Variants in ZNF638 observed in about 807,000 individuals in gnomAD.
The protein encoded by ZNF638 is CTCL tumor antigen se33-1.
Under a neutral mutation model 195.6 loss-of-function variants are expected in ZNF638, and 46 were observed. That is an observed-to-expected ratio of 0.24 (90% CI 0.19 to 0.30). The LOEUF (loss-of-function observed/expected upper bound fraction) is 0.30, where lower values mean the gene tolerates loss of function less well. Ranked by LOEUF, ZNF638 falls within the 10% of genes least tolerant of loss-of-function variation. The pLI is 1.00. For synonymous variants in ZNF638, 845 were observed against 772.0 expected, an observed-to-expected ratio of 1.09 and a Z score of -1.57; for missense variants, 2,440 against 2,325.3, an observed-to-expected ratio of 1.05 and a Z score of -1.01.
chr2:71,387,288 C>T (rs556815588), intron 10 of ZNF638, among the ~76,000 whole-genome samples: 98 of 152,244 alleles, frequency 6.4e-4, no homozygotes, highest in African/African-American at 2.1e-3. Context: ...TACAAAACAT[C>T]AGTAAATTTG....
rs182243270 is a variant in ZNF638 at position 71,388,612 on chromosome 2, C to T, written c.2378-7529C>T. On this transcript the variant is annotated intron_variant, in intron 10 of 27. Coordinates refer to ENST00000264447, the MANE Select transcript of ZNF638 (RefSeq NM_014497.5). ...GTGTCTGCGTACTTTTTTCATCCGT[C>T]GCTCGGCCAGAGTCGGTGGATCAGA... is the stretch of plus-strand genomic sequence containing the variant. 3.9e-4 allele frequency: 314 copies of T among 797,638 alleles called. No homozygotes were observed. The East Asian group carries it at 7.3e-3, about 19-fold the overall frequency. The allele number at this position is 797,638 out of a possible 1,614,324, so 49.4% of individuals were successfully genotyped here. A position where few individuals can be genotyped will look rare whatever the true frequency, so the allele number is the denominator to read the frequency against.
intron 1 of ZNF638, among the ~76,000 whole-genome samples, chr2:71,333,680 A>G (rs1055680005): frequency 1.3e-5 from 2 of 152,230 alleles, no homozygotes; most frequent in African/African-American, 2.4e-5. Flanking sequence ...TTGCAGTCGG[A>G]AGATCTGGAT....
chr2:71,409,105 A>G (rs1033963157), intron 20 of ZNF638, among the ~76,000 whole-genome samples: 2 of 152,168 alleles, frequency 1.3e-5, no homozygotes, highest in African/African-American at 4.8e-5. Flanking sequence ...TCCTTATCCC[A>G]GAAATATAGT....
intron 10 of ZNF638, chr2:71,388,741 A>G: frequency 8.8e-7 from 1 of 1,134,284 alleles, no homozygotes; most frequent in Non-Finnish European, 1.3e-6. Context: ...ATTGGTGCCC[A>G]CTCGGGATAT....
intron 12 of ZNF638, among the ~76,000 whole-genome samples, chr2:71,399,348 T>C (rs2079959728): frequency 6.6e-6 from 1 of 152,200 alleles, no homozygotes; most frequent in African/African-American, 2.4e-5. Context: ...ATGTGGCTCA[T>C]TTGACGGCAT....
chr2:71,336,022 T>C (rs2078660618), intron 1 of ZNF638, among the ~76,000 whole-genome samples: 1 of 152,222 alleles, frequency 6.6e-6, no homozygotes. Flanking sequence ...ATTATTTAGA[T>C]AATCTTTTGC....
At chr2:71,383,673 C>G (rs985968782) in intron 10 of ZNF638, among the ~76,000 whole-genome samples, 2 of 146,230 alleles carry the variant, frequency 1.4e-5, no homozygotes, top group African/African-American at 5.1e-5. Flanking sequence ...CTCCCAGGTT[C>G]AAGTGATTCT....
At chr2:71,378,710 G>A (rs576525218) in intron 8 of ZNF638, among the ~76,000 whole-genome samples, 47 of 152,334 alleles carry the variant, frequency 3.1e-4, no homozygotes, top group Admixed American at 7.2e-4. Context: ...ATGAAGAGCT[G>A]TGCAACTTTC....
intron 2 of ZNF638, among the ~76,000 whole-genome samples, chr2:71,351,838 T>G (rs2078945788): frequency 6.6e-6 from 1 of 152,200 alleles, no homozygotes; most frequent in South Asian, 2.1e-4. Context: ...CAACAAGTGG[T>G]TTTGTGATTG....
At chr2:71,374,471 C>T (rs1168266971) in intron 8 of ZNF638, among the ~76,000 whole-genome samples, 1 of 152,054 alleles carries the variant, frequency 6.6e-6, no homozygotes, top group African/African-American at 2.4e-5. Flanking sequence ...TGTTTTTCCT[C>T]TTTATTTAAA....
intron 19 of ZNF638, among the ~76,000 whole-genome samples, chr2:71,406,856 T>C (rs996205283): frequency 2.6e-5 from 4 of 152,016 alleles, no homozygotes; most frequent in Non-Finnish European, 5.9e-5. Context: ...AAAAATTAGC[T>C]GGGCATGGTG....
intron 10 of ZNF638, chr2:71,380,795 C>A: frequency 2.7e-6 from 1 of 371,214 alleles, no homozygotes; most frequent in Non-Finnish European, 4.8e-6. Context: ...TGTGAAATAG[C>A]TATCGTAGTT....
intron 1 of ZNF638, among the ~76,000 whole-genome samples, chr2:71,347,855 A>G (rs1037359785): frequency 6.6e-6 from 1 of 152,210 alleles, no homozygotes; most frequent in Non-Finnish European, 1.5e-5. Flanking sequence ...TGGACCAGAT[A>G]ACCTTGAATA....
chr2:71,401,994 G>A lies in ZNF638; in HGVS notation c.2736G>A (p.Leu912=). Residue 912 remains leucine (L), a synonymous_variant, in exon 16 of 28, where the codon TTG becomes TTA. Coordinates refer to ENST00000264447, the MANE Select transcript of ZNF638 (RefSeq NM_014497.5). ...EEMCVMLVSN[L]PNKGYSVEEV... ...TGTGTGTGATGCTTGTCTCTAATTTGCCTAATAAAGGATATTCTGTAGAAG... is the reference window on the plus strand; with the variant it reads ...TGTGTGTGATGCTTGTCTCTAATTTACCTAATAAAGGATATTCTGTAGAAG... 6.2e-7 allele frequency: 1 copy of A among 1,600,994 alleles called. No individual in the cohort carries two copies. Among genetic ancestry groups the A allele is most frequent in the Non-Finnish European group, 8.5e-7 (1 of 1,171,790 alleles).
Position 71,364,217 on chromosome 2 carries a change from C to A in ZNF638, c.1682C>A (p.Pro561His). The A allele has an allele frequency of 6.2e-7, 1 of 1,614,098 alleles. No homozygotes were observed. The highest frequency in any genetic ancestry group is 1.1e-5 in the South Asian group (1 of 91,072). Residue 561 changes from proline (P) to histidine (H), a missense_variant, in exon 5 of 28, where the codon CCT becomes CAT. Physicochemically the swap from Pro to His is moderately conservative, Grantham distance 77. Transcript: ENST00000264447. Reference sequence around the variant, plus strand: ...CCAAAATGCTTTCGATCAGTTAGCCCTGAGAGGATGTCAAGGAGATCAGTG... The same window carrying A: ...CCAAAATGCTTTCGATCAGTTAGCCATGAGAGGATGTCAAGGAGATCAGTG... ...GSPKCFRSVSPERMSRRSVRS... is the reference protein window; with the variant it reads ...GSPKCFRSVSHERMSRRSVRS...
chr2:71,395,279 A>G (rs2079869513), intron 10 of ZNF638: 1 of 717,304 alleles, frequency 1.4e-6, no homozygotes, highest in Admixed American at 2.0e-5. Context: ...AGTAATCGCT[A>G]CGCCTGACAA....
chr2:71,349,931 C>G lies in ZNF638; in HGVS notation c.977C>G (p.Ser326Cys). ...ACAGTTAGCCAGACAATGAGTCAAT[C>G]TCTGATTCCTCCATCTATGAACCAG... is the stretch of plus-strand genomic sequence containing the variant. Reference protein sequence around the residue: ...NQTVSQTMSQSLIPPSMNQQP... With the variant: ...NQTVSQTMSQCLIPPSMNQQP... The change falls in exon 2 of 28, where the codon TCT becomes TGT. Residue 326 changes from serine (S) to cysteine (C), a missense_variant. This residue lies in a region of ZNF638 where 305 missense variants were observed against 283.6 expected (regional missense o/e 1.08). Transcript: ENST00000264447. The G allele has an allele frequency of 6.2e-7, 1 of 1,614,222 alleles. No individual in the cohort carries two copies. The highest frequency in any genetic ancestry group is 8.5e-7 in the Non-Finnish European group (1 of 1,180,052).
At chr2:71,397,790 G>GATCAC (rs1257950716) in intron 11 of ZNF638, among the ~76,000 whole-genome samples, 1 of 152,128 alleles carries the variant, frequency 6.6e-6, no homozygotes, top group Non-Finnish European at 1.5e-5. Flanking sequence ...ACACTTTCAT[G>GATCAC]ATCACATCTT....
intron 7 of ZNF638, among the ~76,000 whole-genome samples, chr2:71,369,650 T>G (rs79859805): frequency 6.6e-6 from 1 of 151,752 alleles, no homozygotes; most frequent in East Asian, 1.9e-4. Flanking sequence ...CCTGCCTGGA[T>G]TTTTTTTTAT....
Sources: allele counts gnomAD v4.1 joint callset (sites outside exome capture counted in the v4.1 genomes callset), GRCh38; gene constraint gnomAD v4.1.1; regional missense constraint gnomAD v4.1.1; transcripts MANE v1.5; gene names NCBI Gene and HGNC (gene_info 2026-07-23, HGNC 2026-07-21).